Variants in TIMELESS observed in about 807,000 individuals in gnomAD.
TIMELESS encodes protein timeless homolog.
A neutral mutation model predicts 164.3 loss-of-function variants in TIMELESS; 124 were observed. That is an observed-to-expected ratio of 0.75 (90% CI 0.65 to 0.88). TIMELESS has a LOEUF of 0.88. Ranked by LOEUF, TIMELESS falls within the 40% of genes least tolerant of loss-of-function variation. The pLI, the probability that TIMELESS is intolerant of heterozygous loss-of-function variation, is 0.00. For missense variants in TIMELESS, 1,422 were observed against 1,491.4 expected, an observed-to-expected ratio of 0.95 and a Z score of 0.77; for synonymous variants, 564 against 563.4, an observed-to-expected ratio of 1.00 and a Z score of -0.02.
At chr12:56,432,327 T>C in intron 7 of TIMELESS, 42 bp downstream of exon 7, 2 of 1,584,678 alleles carry the variant, frequency 1.3e-6, no homozygotes, top group Non-Finnish European at 1.7e-6. Flanking sequence ...AGCAGAAAAG[T>C]ACATGGGCGG....
intron 1 of TIMELESS, among the ~76,000 whole-genome samples, chr12:56,439,734 T>C (rs1282226283): frequency 2.0e-5 from 3 of 152,188 alleles, no homozygotes; most frequent in Non-Finnish European, 4.4e-5. Flanking sequence ...TTTTACAGTA[T>C]ATGAATTATA....
chr12:56,420,787 C>G, intron 25 of TIMELESS, 26 bp downstream of exon 25: 4 of 1,614,116 alleles, frequency 2.5e-6, no homozygotes, highest in Non-Finnish European at 3.4e-6. Flanking sequence ...GGGCTCTTCT[C>G]CTAAAAGTGT....
intron 18 of TIMELESS, 80 bp from the exon 19 acceptor site, chr12:56,423,072 A>C: frequency 6.6e-7 from 1 of 1,506,536 alleles, no homozygotes; most frequent in Non-Finnish European, 9.0e-7. Flanking sequence ...TTTTCTCTAT[A>C]GCTGTTCCCA....
chr12:56,439,611 C>A (rs150828143), intron 1 of TIMELESS, among the ~76,000 whole-genome samples: 36 of 152,180 alleles, frequency 2.4e-4, no homozygotes, highest in Non-Finnish European at 4.1e-4. Context: ...CCACACTGGT[C>A]TCAAACTCCT....
intron 2 of TIMELESS, 63 bp from the exon 3 acceptor site, chr12:56,433,989 C>A: frequency 1.2e-6 from 2 of 1,611,792 alleles, no homozygotes; most frequent in South Asian, 2.2e-5. Flanking sequence ...AGACCCACAT[C>A]TTTTCACACC....
intron 9 of TIMELESS, among the ~76,000 whole-genome samples, chr12:56,430,485 C>T (rs1056853625): frequency 2.0e-5 from 3 of 152,134 alleles, no homozygotes; most frequent in African/African-American, 4.8e-5. Context: ...CCCACCTCAG[C>T]CTCCCGAGTA....
chr12:56,418,130 T>C lies in TIMELESS; in HGVS notation c.3454+4A>G. 6.2e-7 allele frequency: 1 copy of C among 1,614,196 alleles called. No individual in the cohort carries two copies. Among genetic ancestry groups the C allele is most frequent in the South Asian group, 1.1e-5 (1 of 91,076 alleles). On this transcript the variant is annotated splice_donor_region_variant and intron_variant, in intron 27 of 28. Transcript: ENST00000553532. ...TACTCAGAAGATGGCTGTCGCACTA[T>C]TACCCTCTGGGGATGCCAGGCCCGC...
At chr12:56,443,590 C>T (rs1868308211) in intron 1 of TIMELESS, among the ~76,000 whole-genome samples, 2 of 152,290 alleles carry the variant, frequency 1.3e-5, no homozygotes, top group East Asian at 3.9e-4. Flanking sequence ...CCCTTTGAAG[C>T]ATGTGATCTC....
intron 23 of TIMELESS, 100 bp downstream of exon 23, chr12:56,421,251 T>G: frequency 5.7e-6 from 9 of 1,582,986 alleles, no homozygotes; most frequent in Non-Finnish European, 7.7e-6. Flanking sequence ...AAGGACCTGG[T>G]CAGAACAGCC....
Position 56,422,846 on chromosome 12 carries a change from C to T in TIMELESS, c.2438+1G>A, listed in dbSNP as rs1881540214. 6.6e-7 allele frequency: 1 copy of T among 1,513,778 alleles called. No homozygotes were observed. The highest frequency in any genetic ancestry group is 9.0e-7 in the Non-Finnish European group (1 of 1,116,672). 93.8% of individuals were successfully genotyped at this position (1,513,778 alleles called of 1,614,324 possible). On this transcript the variant is annotated splice_donor_variant, in intron 19 of 28. Coordinates refer to ENST00000553532, the MANE Select transcript of TIMELESS (RefSeq NM_003920.5). LOFTEE classifies it high-confidence loss of function. ...CCACCCTTTGCCAACTTCAAGCTCACCTGTCATCCAGGGAGCCATAGCCCT... is the reference window on the plus strand; with the variant it reads ...CCACCCTTTGCCAACTTCAAGCTCATCTGTCATCCAGGGAGCCATAGCCCT...
In TIMELESS at chr12:56,433,260, G is replaced by A. The variant is rs1881955037; in HGVS notation, c.429+121C>T. On this transcript the variant is annotated intron_variant, in intron 5 of 28. Coordinates refer to ENST00000553532, the MANE Select transcript of TIMELESS (RefSeq NM_003920.5). ...TTCAAACAGTACTGAGGCAGCCAGA[G>A]ACTATGGATCGGACTACCACATCCC... The A allele has an allele frequency of 2.2e-6, 3 of 1,381,626 alleles. 1 individual carries two copies. In the East Asian group the frequency reaches 6.9e-5, roughly 32 times the overall value. 85.6% of individuals were successfully genotyped at this position (1,381,626 alleles called of 1,614,324 possible).
chr12:56,440,968 C>T (rs1868265974), intron 1 of TIMELESS, among the ~76,000 whole-genome samples: 1 of 146,274 alleles, frequency 6.8e-6, no homozygotes, highest in African/African-American at 2.5e-5. Flanking sequence ...CAGGCCTGTG[C>T]CACCATGCCA....
At chr12:56,422,575 G>C (rs891903479) in intron 19 of TIMELESS, among the ~76,000 whole-genome samples, 3 of 152,060 alleles carry the variant, frequency 2.0e-5, no homozygotes, top group African/African-American at 4.8e-5. Context: ...ACTCCCTCTG[G>C]GCAACCACCC....
Position 56,423,547 on chromosome 12 carries a change from G to A in TIMELESS, c.2090+37C>T, listed in dbSNP as rs577212141. ...AGCTCATCCTCACAGCCGCACAATC[G>A]CCACTCTAGGACCAACTCAGGCCTC... is the stretch of plus-strand genomic sequence containing the variant. On this transcript the variant is annotated intron_variant, in intron 17 of 28. Coordinates refer to ENST00000553532, the MANE Select transcript of TIMELESS (RefSeq NM_003920.5). The A allele has an allele frequency of 4.8e-5, 78 of 1,612,688 alleles. No homozygotes were observed. In the Middle Eastern group the frequency reaches 5.0e-4, roughly 10 times the overall value.
chr12:56,431,825 T>C (rs1032394333), intron 7 of TIMELESS, among the ~76,000 whole-genome samples: 10 of 151,794 alleles, frequency 6.6e-5, no homozygotes, highest in African/African-American at 2.2e-4. Flanking sequence ...CATATATACA[T>C]ATATATATTT....
At position 56,436,930 on chromosome 12, in the gene TIMELESS, A is replaced by AT. The variant is rs879488638; in HGVS notation, c.-61-2700dup. 7.1e-3 allele frequency among the ~76,000 whole-genome samples: 1,021 copies of AT among 143,176 alleles called. 1 individual carries two copies. The highest frequency in any genetic ancestry group is 0.014 in the African/African-American group (556 of 39,128). The allele number at this position is 143,176 out of a possible 152,430, so 93.9% of individuals were successfully genotyped here. ...GAGCTTGGCATATAGCGAGCATGCAATTTTTTTTTTTTTTTTGAGACAGAG... is the reference window on the plus strand; with the variant it reads ...GAGCTTGGCATATAGCGAGCATGCAATTTTTTTTTTTTTTTTTGAGACAGAG... On this transcript the variant is annotated intron_variant, in intron 1 of 28. Coordinates refer to ENST00000553532, the MANE Select transcript of TIMELESS (RefSeq NM_003920.5).
At chr12:56,429,497 CTTTTTTTTTTTTT>C (rs35987061) in intron 10 of TIMELESS, among the ~76,000 whole-genome samples, 7 of 50,086 alleles carry the variant, frequency 1.4e-4, no homozygotes, top group African/African-American at 5.4e-4. Context: ...TGCGCCTGGT[CTTTTTTTTTTTTT>C]TTTTTTTTTT....
chr12:56,432,108 C>A (rs771972742), intron 7 of TIMELESS, among the ~76,000 whole-genome samples: 1 of 152,024 alleles, frequency 6.6e-6, no homozygotes, highest in Non-Finnish European at 1.5e-5. Flanking sequence ...CTACTCAGAA[C>A]AATGTACAAG....
intron 13 of TIMELESS, among the ~76,000 whole-genome samples, 157 bp from the exon 14 acceptor site, chr12:56,425,309 C>T (rs551269595): frequency 6.6e-6 from 1 of 152,326 alleles, no homozygotes; most frequent in Non-Finnish European, 1.5e-5. Context: ...CAGCATATTT[C>T]CTTCCCTTTG....
Sources: gnomAD v4.1 joint callset for allele counts (sites outside exome capture counted in the v4.1 genomes callset) on GRCh38, gnomAD v4.1.1 for gene constraint, MANE v1.5 for transcripts, NCBI Gene and HGNC (gene_info 2026-07-23, HGNC 2026-07-21) for gene names.